The following BCO2 variants were observed in gnomAD, a reference collection of about 807,000 sequenced individuals.
The protein encoded by BCO2 is beta-carotene oxygenase 2.
Under a neutral mutation model 65.8 loss-of-function variants are expected in BCO2, and 56 were observed. The observed-to-expected ratio is 0.85, with a 90% CI of 0.69 to 1.06. The LOEUF is 1.06. Ranked by LOEUF, BCO2 falls within the 50% of genes least tolerant of loss-of-function variation. The pLI, the probability that BCO2 is intolerant of heterozygous loss-of-function variation, is 0.00. For missense variants in BCO2, 675 were observed against 698.5 expected, an observed-to-expected ratio of 0.97 and a Z score of 0.38; for synonymous variants, 233 against 242.3, an observed-to-expected ratio of 0.96 and a Z score of 0.36.
chr11:112,179,488 C>G lies in BCO2; in HGVS notation c.293+6C>G. 1.9e-6 allele frequency: 3 copies of G among 1,612,732 alleles called. No individual in the cohort carries two copies. Among genetic ancestry groups the G allele is most frequent in the Non-Finnish European group, 2.5e-6 (3 of 1,179,026 alleles). On this transcript the variant is annotated splice_donor_region_variant and intron_variant, in intron 2 of 11. Coordinates refer to ENST00000357685, the MANE Select transcript of BCO2 (RefSeq NM_031938.7). ...TTCGAGTTTGGGAAGGATAAGTAAG[C>G]CTTGATTTTGGAGAACAACTTGGAT...
In BCO2 at chr11:112,200,740, G is replaced by A. The variant is rs139911945; in HGVS notation, c.993G>A (p.Thr331=). The change falls in exon 7 of 12, where the codon ACG becomes ACA. Residue 331 remains threonine, a synonymous_variant. Coordinates refer to ENST00000357685, the MANE Select transcript of BCO2 (RefSeq NM_031938.7). ...TAAGCTGGGAACCCCAGTGTAATACGCGGTTTCATGTGGTGGAAAAACGCA... is the reference window on the plus strand; with the variant it reads ...TAAGCTGGGAACCCCAGTGTAATACACGGTTTCATGTGGTGGAAAAACGCA... ...DGISWEPQCN[T]RFHVVEKRTG... 41 of 1,613,828 alleles carry A rather than the reference G, an allele frequency of 2.5e-5. No homozygotes were observed. The Middle Eastern group carries it at 8.2e-4, about 32-fold the overall frequency.
intron 5 of BCO2, among the ~76,000 whole-genome samples, chr11:112,197,374 C>T (rs981594932): frequency 2.0e-5 from 3 of 151,962 alleles, no homozygotes; most frequent in African/African-American, 7.3e-5. Context: ...ATAGCAAGAC[C>T]TCATCTCTAC....
chr11:112,214,045 C>T (rs937879235), intron 9 of BCO2, among the ~76,000 whole-genome samples, 184 bp downstream of exon 9: 5 of 152,096 alleles, frequency 3.3e-5, no homozygotes, highest in Non-Finnish European at 5.9e-5. Flanking sequence ...CAGTGTTTAT[C>T]TATCCTTCCT....
intron 6 of BCO2, 127 bp from the exon 7 acceptor site, chr11:112,200,486 T>A: frequency 1.3e-6 from 1 of 749,714 alleles, no homozygotes; most frequent in Non-Finnish European, 2.1e-6. Flanking sequence ...AACATGTATT[T>A]CTGGCTGGCA....
At chr11:112,202,600 C>T (rs1173065122) in intron 8 of BCO2, among the ~76,000 whole-genome samples, 4 of 152,072 alleles carry the variant, frequency 2.6e-5, no homozygotes, top group African/African-American at 9.7e-5. Flanking sequence ...ACGTGTTTCT[C>T]TTGTCTCCTT....
intron 1 of BCO2, among the ~76,000 whole-genome samples, chr11:112,178,135 G>C (rs1459406968): frequency 6.6e-6 from 1 of 151,188 alleles, no homozygotes; most frequent in Admixed American, 6.6e-5. Context: ...GACAGGTCTC[G>C]AACTCCTGAC....
At chr11:112,211,901 G>C (rs987200826) in intron 8 of BCO2, among the ~76,000 whole-genome samples, 1 of 152,092 alleles carries the variant, frequency 6.6e-6, no homozygotes, top group South Asian at 2.1e-4. Flanking sequence ...TTTTCAATGG[G>C]GTAGTTGATC....
At chr11:112,214,688 G>A in intron 9 of BCO2, 74 bp from the exon 10 acceptor site, 1 of 1,253,254 alleles carries the variant, frequency 8.0e-7, no homozygotes, top group Non-Finnish European at 1.1e-6. Context: ...AGGGTATGAG[G>A]CTCCTCACTG....
chr11:112,207,869 T>C (rs1381366374), intron 8 of BCO2, among the ~76,000 whole-genome samples: 1 of 151,262 alleles, frequency 6.6e-6, no homozygotes, highest in African/African-American at 2.4e-5. Flanking sequence ...CTGCATCTTT[T>C]GTTAGATTTA....
In BCO2 at chr11:112,193,583, A is replaced by G; in HGVS notation, c.403A>G (p.Ser135Gly). 6.2e-7 allele frequency: 1 copy of G among 1,614,206 alleles called. No homozygotes were observed. Among genetic ancestry groups the G allele is most frequent in the Non-Finnish European group, 8.5e-7 (1 of 1,180,018 alleles). Reference sequence around the variant, plus strand: ...ACAGAGTGATACATATAAGGCCAACAGTGCTAAAAACCGAATTGTGATCTC... The same window carrying G: ...ACAGAGTGATACATATAAGGCCAACGGTGCTAAAAACCGAATTGTGATCTC... ...FLQSDTYKAN[S>G]AKNRIVISEF... The change falls in exon 3 of 12, where the codon AGT (serine) becomes GGT (glycine). Residue 135 changes from serine to glycine, a missense_variant. By Grantham distance (56) the Ser-to-Gly change is moderately conservative. Transcript: ENST00000357685.
chr11:112,175,825 T>C (rs1866867495), intron 1 of BCO2, 136 bp downstream of exon 1: 2 of 668,166 alleles, frequency 3.0e-6, no homozygotes, highest in Non-Finnish European at 5.2e-6. Flanking sequence ...GAGATAGCAA[T>C]TCCGCAGAGT....
chr11:112,177,753 T>C (rs1221640232), intron 1 of BCO2, among the ~76,000 whole-genome samples: 1 of 152,106 alleles, frequency 6.6e-6, no homozygotes, highest in Non-Finnish European at 1.5e-5. Context: ...TAAGTGCCTT[T>C]CTCAAGCCTT....
Position 112,200,650 on chromosome 11 carries a change from T to G in BCO2, c.903T>G (p.Pro301=), listed in dbSNP as rs772769634. Residue 301 remains proline, a synonymous_variant, in exon 7 of 12, where the codon CCT becomes CCG. Transcript: ENST00000357685. Reference sequence around the variant, plus strand: ...ACTATATAATTTTCATTGAACAACCTCTAAAGATGAACCTGTGGAAAATTG... The same window carrying G: ...ACTATATAATTTTCATTGAACAACCGCTAAAGATGAACCTGTGGAAAATTG... The part of the protein sequence containing the change: ...TRNYIIFIEQ[P]LKMNLWKIAT... 6.2e-7 allele frequency: 1 copy of G among 1,613,124 alleles called. No individual in the cohort carries two copies. The highest frequency in any genetic ancestry group is 8.5e-7 in the Non-Finnish European group (1 of 1,179,718).
intron 2 of BCO2, among the ~76,000 whole-genome samples, chr11:112,187,320 C>T (rs1867228605): frequency 6.6e-6 from 1 of 152,060 alleles, no homozygotes. Context: ...TGATGATTTT[C>T]AGTCCTAGAT....
chr11:112,182,394 A>G lies in BCO2; in HGVS notation c.293+2912A>G, dbSNP rs538679972. On this transcript the variant is annotated intron_variant, in intron 2 of 11. Coordinates refer to ENST00000357685, the MANE Select transcript of BCO2 (RefSeq NM_031938.7). ...ATAAATCATGCTGCTATAAAGACACATGCACACCTATGTTTATTGTGGCAC... is the reference window on the plus strand; with the variant it reads ...ATAAATCATGCTGCTATAAAGACACGTGCACACCTATGTTTATTGTGGCAC... Among the ~76,000 whole-genome samples, 467 of 152,306 alleles carry G rather than the reference A, an allele frequency of 3.1e-3. 4 individuals are homozygous for G. Among genetic ancestry groups the G allele is most frequent in the African/African-American group, 0.011 (450 of 41,560 alleles).
chr11:112,184,500 G>C (rs1331891565), intron 2 of BCO2, among the ~76,000 whole-genome samples: 1 of 151,994 alleles, frequency 6.6e-6, no homozygotes, highest in Non-Finnish European at 1.5e-5. Context: ...TGATCAGCCT[G>C]TCTTGGCCTC....
chr11:112,178,753 A>G (rs1202458677), intron 1 of BCO2, among the ~76,000 whole-genome samples: 1 of 152,246 alleles, frequency 6.6e-6, no homozygotes, highest in African/African-American at 2.4e-5. Context: ...TGTATATGCC[A>G]TTAAAATAAA....
In BCO2 at chr11:112,200,750, G is replaced by A. The variant is rs370231318; in HGVS notation, c.1003G>A (p.Val335Met). ...WEPQCNTRFH[V>M]VEKRTGQLLP... ...ACCCCAGTGTAATACGCGGTTTCAT[G>A]TGGTGGAAAAACGCACTGGACAGGT... Residue 335 changes from valine (V) to methionine (M), a missense_variant, in exon 7 of 12, where the codon GTG (valine) becomes ATG (methionine). Transcript: ENST00000357685. The A allele has an allele frequency of 3.1e-6, 5 of 1,613,664 alleles. No individual in the cohort carries two copies. The highest frequency in any genetic ancestry group is 4.2e-6 in the Non-Finnish European group (5 of 1,179,946).
chr11:112,205,970 A>T (rs1469503), intron 8 of BCO2, among the ~76,000 whole-genome samples: 140,735 of 152,022 alleles, frequency 0.93, 65,413 homozygotes, highest in East Asian at 0.99. Flanking sequence ...TTAATTAATT[A>T]ATTTATTTTT....
Sources: gnomAD v4.1 joint callset for allele counts (sites outside exome capture counted in the v4.1 genomes callset) on GRCh38, gnomAD v4.1.1 for gene constraint, MANE v1.5 for transcripts, NCBI Gene and HGNC (gene_info 2026-07-23, HGNC 2026-07-21) for gene names.